The following CNOT4 variants were observed in gnomAD, a reference collection of about 807,000 sequenced individuals.
CNOT4 encodes CCR4-associated factor 4.
In CNOT4, 8 loss-of-function variants were observed where a neutral mutation model predicts 73.8. The ratio of observed to expected loss-of-function variants is 0.11; its 90% confidence interval spans 0.06 to 0.20. The LOEUF (loss-of-function observed/expected upper bound fraction) is 0.20, where lower values mean the gene tolerates loss of function less well. Among genes scored for constraint, CNOT4 ranks in the 10% least tolerant of loss-of-function variants. The probability of loss-of-function intolerance (pLI) is 1.00; values close to 1 mark genes in which losing one functional copy is unlikely to be tolerated. For missense variants in CNOT4, 564 were observed against 883.4 expected, an observed-to-expected ratio of 0.64 and a Z score of 4.58; for synonymous variants, 293 against 321.1, an observed-to-expected ratio of 0.91 and a Z score of 0.94.
At chr7:135,438,583 CCAAAA>C (rs1343966691) in intron 1 of CNOT4, among the ~76,000 whole-genome samples, 160 bp from the exon 2 acceptor site, 7 of 152,012 alleles carry the variant, frequency 4.6e-5, no homozygotes, top group Non-Finnish European at 8.8e-5. Context: ...ATTTTGAATA[CCAAAA>C]CAAAAGGCCT....
chr7:135,398,300 GAA>G, intron 7 of CNOT4, 74 bp from the exon 8 acceptor site: 1 of 655,374 alleles, frequency 1.5e-6, no homozygotes. Flanking sequence ...CTCCTCAAAA[GAA>G]AAAAAAAACA....
chr7:135,415,454 A>AT (rs1001732346), intron 3 of CNOT4, among the ~76,000 whole-genome samples, 192 bp from the exon 4 acceptor site: 3 of 151,838 alleles, frequency 2.0e-5, no homozygotes, highest in African/African-American at 4.8e-5. Context: ...TTTAAAAGCT[A>AT]TTTTTTTTCT....
intron 2 of CNOT4, among the ~76,000 whole-genome samples, chr7:135,427,778 T>C (rs918791738): frequency 6.6e-6 from 1 of 152,204 alleles, no homozygotes; most frequent in African/African-American, 2.4e-5. Flanking sequence ...TTTTTCTTCT[T>C]ACTAACATCC....
intron 6 of CNOT4, 93 bp downstream of exon 6, chr7:135,413,395 T>C: frequency 2.1e-6 from 3 of 1,435,248 alleles, no homozygotes; most frequent in African/African-American, 2.9e-5. Flanking sequence ...TTTTACAAAA[T>C]CAAATCCTTA....
At chr7:135,408,418 C>T (rs1010503153) in intron 7 of CNOT4, among the ~76,000 whole-genome samples, 6 of 152,030 alleles carry the variant, frequency 3.9e-5, no homozygotes, top group East Asian at 3.9e-4. Context: ...TATAGGCATT[C>T]GCAAGAAGAA....
intron 2 of CNOT4, among the ~76,000 whole-genome samples, chr7:135,423,177 T>A (rs192585613): frequency 1.4e-4 from 21 of 152,234 alleles, no homozygotes; most frequent in African/African-American, 5.1e-4. Flanking sequence ...ATGCGGCACA[T>A]TATTTTTTCT....
intron 1 of CNOT4, among the ~76,000 whole-genome samples, chr7:135,472,933 T>C (rs745605760): frequency 7.3e-5 from 11 of 151,108 alleles, no homozygotes; most frequent in Non-Finnish European, 8.9e-5. Flanking sequence ...CCCAGCTACA[T>C]GGGAGGGTGA....
At chr7:135,404,458 G>A (rs1797170035) in intron 7 of CNOT4, among the ~76,000 whole-genome samples, 1 of 152,092 alleles carries the variant, frequency 6.6e-6, no homozygotes, top group Non-Finnish European at 1.5e-5. Context: ...TCAAAAGAAT[G>A]TGCACAGATG....
rs554387914 is a variant in CNOT4 at position 135,459,102 on chromosome 7, A to ACCC, written c.-92-20680_-92-20679insGGG. Among the ~76,000 whole-genome samples the ACCC allele has an allele frequency of 8.8e-3, 1,343 of 152,166 alleles. 22 individuals carry two copies. The highest frequency in any genetic ancestry group is 0.035 in the South Asian group (167 of 4,806). On this transcript the variant is annotated intron_variant, in intron 1 of 11. Transcript: ENST00000541284. Reference sequence around the variant, plus strand: ...TTACTCCTGGATCCACGGACTGCAGAATAGATGTTGTGTTAGCAGGCATGA... The same window carrying ACCC: ...TTACTCCTGGATCCACGGACTGCAGACCCATAGATGTTGTGTTAGCAGGCATGA...
At chr7:135,394,587 T>C (rs1796580043) in intron 9 of CNOT4, among the ~76,000 whole-genome samples, 172 bp from the exon 10 acceptor site, 1 of 152,214 alleles carries the variant, frequency 6.6e-6, no homozygotes, top group Non-Finnish European at 1.5e-5. Context: ...CCTTATGTAC[T>C]TCTAGCAGTT....
intron 1 of CNOT4, among the ~76,000 whole-genome samples, chr7:135,495,461 C>T (rs552797936): frequency 1.4e-3 from 206 of 144,278 alleles, no homozygotes; most frequent in Non-Finnish European, 2.6e-3. Flanking sequence ...GCCGAGACTG[C>T]GCCATTGCAC....
chr7:135,379,749 CTT>C lies in CNOT4; in HGVS notation c.1627+14167_1627+14168del, dbSNP rs1795733693. On this transcript the variant is annotated intron_variant, in intron 10 of 11. Transcript: ENST00000541284. ...CTGATGAAGTCATAACCCAGGCAAT[CTT>C]TTACCTTTAGCTGGATACTAAACAT... Among the ~76,000 whole-genome samples, 3 of 152,110 alleles carry C rather than the reference CTT, an allele frequency of 2.0e-5. No individual in the cohort carries two copies. In the South Asian group the frequency reaches 6.2e-4, roughly 32 times the overall value.
chr7:135,504,462 A>ATTTTTTTTTT (rs34100799), intron 1 of CNOT4, among the ~76,000 whole-genome samples: 5 of 55,940 alleles, frequency 8.9e-5, no homozygotes, highest in African/African-American at 2.8e-4. Flanking sequence ...CATCCGGCTA[A>ATTTTTTTTTT]TTTTTTTTTT....
chr7:135,505,898 T>G (rs979980176), intron 1 of CNOT4, among the ~76,000 whole-genome samples: 1 of 152,154 alleles, frequency 6.6e-6, no homozygotes, highest in Non-Finnish European at 1.5e-5. Context: ...TAATCTTTTC[T>G]AATAAAGAAG....
Position 135,473,833 on chromosome 7 carries a change from A to T in CNOT4, c.-92-35410T>A, listed in dbSNP as rs146378938. 6.6e-4 allele frequency among the ~76,000 whole-genome samples: 101 copies of T among 152,342 alleles called. 1 individual carries two copies. In the East Asian group the frequency reaches 0.018, roughly 27 times the overall value. On this transcript the variant is annotated intron_variant, in intron 1 of 11. Coordinates refer to ENST00000541284, the MANE Select transcript of CNOT4 (RefSeq NM_001190850.2). The stretch of plus-strand genomic sequence containing the variant: ...GGTGACTGTCAAATTGCAGGATAAA[A>T]GTAGATTCTAGAAGGACATAAGACA...
At chr7:135,431,476 G>T (rs1798836092) in intron 2 of CNOT4, among the ~76,000 whole-genome samples, 1 of 152,208 alleles carries the variant, frequency 6.6e-6, no homozygotes. Context: ...GGGTGCGGTG[G>T]CTCACGCTTG....
chr7:135,431,667 C>T (rs1326408872), intron 2 of CNOT4, among the ~76,000 whole-genome samples: 4 of 151,296 alleles, frequency 2.6e-5, no homozygotes, highest in East Asian at 3.9e-4. Flanking sequence ...CACTTGAACC[C>T]GGCAGGTGGA....
chr7:135,483,241 G>A (rs1802502393), intron 1 of CNOT4, among the ~76,000 whole-genome samples: 1 of 151,448 alleles, frequency 6.6e-6, no homozygotes, highest in Admixed American at 6.6e-5. Context: ...TGGAGGCTGA[G>A]GTGGGAAGAT....
At chr7:135,396,328 A>T (rs1796690065) in intron 8 of CNOT4, among the ~76,000 whole-genome samples, 1 of 151,992 alleles carries the variant, frequency 6.6e-6, no homozygotes, top group African/African-American at 2.4e-5. Context: ...CGCATTATCC[A>T]GGATGGTCTC....
Sources: gnomAD v4.1 joint callset for allele counts (sites outside exome capture counted in the v4.1 genomes callset) on GRCh38, gnomAD v4.1.1 for gene constraint, MANE v1.5 for transcripts, NCBI Gene and HGNC (gene_info 2026-07-23, HGNC 2026-07-21) for gene names.